The following CFAP300 variants were observed in gnomAD, a reference collection of about 807,000 sequenced individuals.
CFAP300 encodes the protein cilia and flagella associated protein 300.
A neutral mutation model predicts 33.0 loss-of-function variants in CFAP300; 32 were observed. The observed-to-expected ratio is 0.97, with a 90% CI of 0.73 to 1.30. The LOEUF is 1.30. Among genes scored for constraint, CFAP300 ranks in the 50% most tolerant of loss-of-function variants. CFAP300 has a pLI of 0.00. For missense variants in CFAP300, 356 were observed against 318.1 expected, an observed-to-expected ratio of 1.12 and a Z score of -0.90; for synonymous variants, 102 against 106.8, an observed-to-expected ratio of 0.95 and a Z score of 0.28.
intron 5 of CFAP300, among the ~76,000 whole-genome samples, chr11:102,078,802 G>A (rs1457184099): frequency 1.3e-5 from 2 of 152,050 alleles, no homozygotes; most frequent in Non-Finnish European, 2.9e-5. Flanking sequence ...TCCGCCTACC[G>A]AGTTCAAGCA....
chr11:102,055,516 C>T (rs1409501479), intron 2 of CFAP300, among the ~76,000 whole-genome samples: 1 of 151,038 alleles, frequency 6.6e-6, no homozygotes, highest in Non-Finnish European at 1.5e-5. Flanking sequence ...CAGCACTGTG[C>T]CAAGCTAATT....
At chr11:102,057,183 C>CA in intron 2 of CFAP300, among the ~76,000 whole-genome samples, 1 of 151,252 alleles carries the variant, frequency 6.6e-6, no homozygotes, top group African/African-American at 2.4e-5. Flanking sequence ...ACTAAAAATA[C>CA]AAAAAATTAG....
intron 2 of CFAP300, among the ~76,000 whole-genome samples, chr11:102,055,560 G>T (rs1056259290): frequency 1.3e-5 from 2 of 150,702 alleles, no homozygotes; most frequent in Non-Finnish European, 1.5e-5. Flanking sequence ...GGTTTCACCA[G>T]GTTGCTCAGG....
chr11:102,083,333 G>A lies in CFAP300; in HGVS notation c.*134G>A. ...AGGAGCCTACTTAGAGCAGAAGAAA[G>A]CAAACACCAAGATGCCTTTTTAAAA... On this transcript the variant is annotated 3_prime_UTR_variant, in exon 7 of 7. Coordinates refer to ENST00000434758, the MANE Select transcript of CFAP300 (RefSeq NM_032930.3). 1 of 636,938 alleles carries A rather than the reference G, an allele frequency of 1.6e-6. No individual in the cohort carries two copies. Among genetic ancestry groups the A allele is most frequent in the East Asian group, 4.0e-5 (1 of 25,078 alleles). The allele number at this position is 636,938 out of a possible 1,614,324, so 39.5% of individuals were successfully genotyped here. A position where few individuals can be genotyped will look rare whatever the true frequency, so the allele number is the denominator to read the frequency against.
chr11:102,081,179 T>G (rs765498330), intron 5 of CFAP300, 36 bp from the exon 6 acceptor site: 1 of 1,497,882 alleles, frequency 6.7e-7, no homozygotes, highest in East Asian at 2.3e-5. Flanking sequence ...CCAATGCCTA[T>G]TATATGTTAA....
At chr11:102,080,605 G>A (rs183361260) in intron 5 of CFAP300, among the ~76,000 whole-genome samples, 1 of 152,102 alleles carries the variant, frequency 6.6e-6, no homozygotes, top group East Asian at 1.9e-4. Context: ...TCTCCATGTT[G>A]GTCAGGCTGG....
intron 3 of CFAP300, among the ~76,000 whole-genome samples, chr11:102,059,702 G>C (rs373520721): frequency 1.1e-4 from 16 of 152,122 alleles, no homozygotes; most frequent in African/African-American, 3.9e-4. Context: ...TGCCCAGAGG[G>C]AAAAGATCAG....
rs572476672 is a variant in CFAP300 at position 102,052,912 on chromosome 11, A to T, written c.192+5016A>T. Among the ~76,000 whole-genome samples the T allele has an allele frequency of 6.2e-4, 95 of 152,302 alleles. No homozygotes were observed. The South Asian group carries it at 0.013, about 21-fold the overall frequency. On this transcript the variant is annotated intron_variant, in intron 2 of 6. Transcript: ENST00000434758. ...CTTTAAAGAAAAATAGATGATTCTGATAACTCTTTCCTCTGCTTAAAAATC... is the reference window on the plus strand; with the variant it reads ...CTTTAAAGAAAAATAGATGATTCTGTTAACTCTTTCCTCTGCTTAAAAATC...
chr11:102,056,736 TC>T (rs1426996933), intron 2 of CFAP300, among the ~76,000 whole-genome samples: 1 of 151,762 alleles, frequency 6.6e-6, no homozygotes, highest in African/African-American at 2.4e-5. Flanking sequence ...CAATTCTCAT[TC>T]CTCAGCCTCC....
chr11:102,070,151 G>GAGGA (rs746324397), intron 4 of CFAP300, among the ~76,000 whole-genome samples: 2 of 152,140 alleles, frequency 1.3e-5, no homozygotes, highest in Non-Finnish European at 2.9e-5. Context: ...GGGAAAGAGG[G>GAGGA]AGGAAGGAAG....
In CFAP300 at chr11:102,047,863, C is replaced by CT; in HGVS notation, c.162dup (p.Gln55SerfsTer7). The CT allele has an allele frequency of 6.2e-7, 1 of 1,614,194 alleles. No individual in the cohort carries two copies. Among genetic ancestry groups the CT allele is most frequent in the Non-Finnish European group, 8.5e-7 (1 of 1,180,036 alleles). The stretch of plus-strand genomic sequence containing the variant: ...CGCAGGCGTTCGGCTTTGACCAGAC[C>CT]TTTCAGTCCTATCGGAAGGATGATT... On this transcript the variant is annotated frameshift_variant, in exon 2 of 7. Transcript: ENST00000434758. LOFTEE classifies it high-confidence loss of function.
chr11:102,048,167 G>T (rs1047569498), intron 2 of CFAP300, among the ~76,000 whole-genome samples: 3 of 152,066 alleles, frequency 2.0e-5, no homozygotes, highest in Non-Finnish European at 2.9e-5. Flanking sequence ...AAGATCGCGC[G>T]CTCTCTAGAA....
At chr11:102,055,133 A>G (rs986833559) in intron 2 of CFAP300, among the ~76,000 whole-genome samples, 11 of 151,486 alleles carry the variant, frequency 7.3e-5, no homozygotes, top group African/African-American at 2.7e-4. Flanking sequence ...GGCACGTGCC[A>G]CCACGCCCAG....
chr11:102,076,894 T>C (rs1213023530), intron 5 of CFAP300, among the ~76,000 whole-genome samples: 1 of 152,224 alleles, frequency 6.6e-6, no homozygotes, highest in African/African-American at 2.4e-5. Context: ...CTCTCTGTGA[T>C]TTTAATGAAC....
At chr11:102,052,591 C>T (rs1941987752) in intron 2 of CFAP300, among the ~76,000 whole-genome samples, 1 of 152,184 alleles carries the variant, frequency 6.6e-6, no homozygotes, top group Non-Finnish European at 1.5e-5. Context: ...TCTGGCTTGG[C>T]ATAATGTAGA....
chr11:102,077,929 T>G (rs1331817170), intron 5 of CFAP300, among the ~76,000 whole-genome samples: 2 of 152,028 alleles, frequency 1.3e-5, no homozygotes, highest in Non-Finnish European at 2.9e-5. Context: ...CTCACTCTGT[T>G]GCCCAGGCTG....
At chr11:102,072,071 T>A (rs1942321491) in intron 4 of CFAP300, among the ~76,000 whole-genome samples, 1 of 152,108 alleles carries the variant, frequency 6.6e-6, no homozygotes, top group Non-Finnish European at 1.5e-5. Context: ...TTAAATAGAT[T>A]TTTTTTATGC....
At chr11:102,055,213 T>C (rs1942033318) in intron 2 of CFAP300, among the ~76,000 whole-genome samples, 1 of 152,086 alleles carries the variant, frequency 6.6e-6, no homozygotes, top group African/African-American at 2.4e-5. Flanking sequence ...ACTCCTGACC[T>C]CGCGATCTGC....
At chr11:102,081,479 T>G in intron 6 of CFAP300, 198 bp downstream of exon 6, 1 of 590,246 alleles carries the variant, frequency 1.7e-6, no homozygotes. Context: ...CTGGCTTCCT[T>G]TCTGTCATCT....
Sources: gnomAD v4.1 joint callset for allele counts (sites outside exome capture counted in the v4.1 genomes callset) on GRCh38, gnomAD v4.1.1 for gene constraint, MANE v1.5 for transcripts, NCBI Gene and HGNC (gene_info 2026-07-23, HGNC 2026-07-21) for gene names.